Variants in DAP observed in about 807,000 individuals in gnomAD.
The protein encoded by DAP is death-associated protein 1.
A neutral mutation model predicts 13.8 loss-of-function variants in DAP; 8 were observed. The observed-to-expected ratio is 0.58, with a 90% CI of 0.34 to 1.05. The LOEUF (loss-of-function observed/expected upper bound fraction) is 1.05, where lower values mean the gene tolerates loss of function less well. Among genes scored for constraint, DAP ranks in the 50% least tolerant of loss-of-function variants. The pLI, the probability that DAP is intolerant of heterozygous loss-of-function variation, is 0.03. For missense variants in DAP, 106 were observed against 133.2 expected, an observed-to-expected ratio of 0.80 and a Z score of 1.01; for synonymous variants, 47 against 47.5, an observed-to-expected ratio of 0.99 and a Z score of 0.04.
At chr5:10,709,201 T>C (rs1334815287) in intron 2 of DAP, among the ~76,000 whole-genome samples, 4 of 152,232 alleles carry the variant, frequency 2.6e-5, no homozygotes, top group African/African-American at 7.2e-5. Flanking sequence ...TTAACACAAA[T>C]AGCTGAAGTT....
intron 1 of DAP, 56 bp downstream of exon 1, chr5:10,760,957 CG>C (rs1740333160): frequency 1.8e-6 from 2 of 1,131,512 alleles, no homozygotes; most frequent in Non-Finnish European, 2.2e-6. Context: ...CCGGCGCCCC[CG>C]GGTTCGAGCC....
At chr5:10,682,104 T>A (rs1738029979) in intron 3 of DAP, among the ~76,000 whole-genome samples, 2 of 148,846 alleles carry the variant, frequency 1.3e-5, no homozygotes, top group Non-Finnish European at 3.0e-5. Flanking sequence ...GCGTGGGGTT[T>A]GTATGTGAGG....
chr5:10,706,284 C>G (rs1738698398), intron 2 of DAP, among the ~76,000 whole-genome samples: 1 of 152,182 alleles, frequency 6.6e-6, no homozygotes, highest in South Asian at 2.1e-4. Flanking sequence ...CAGAACTATT[C>G]TATGTACTGG....
intron 2 of DAP, among the ~76,000 whole-genome samples, chr5:10,713,698 C>CTGG (rs1738908592): frequency 6.6e-6 from 1 of 152,214 alleles, no homozygotes; most frequent in African/African-American, 2.4e-5. Context: ...GCTGGACCAG[C>CTGG]AAGGAGCCGT....
At chr5:10,709,495 T>C (rs78380666) in intron 2 of DAP, among the ~76,000 whole-genome samples, 1 of 152,182 alleles carries the variant, frequency 6.6e-6, no homozygotes, top group East Asian at 1.9e-4. Context: ...TCCAACCTCA[T>C]TGCTTGGGTG....
chr5:10,685,030 CTT>C (rs1466146463), intron 2 of DAP, among the ~76,000 whole-genome samples: 1 of 152,166 alleles, frequency 6.6e-6, no homozygotes, highest in African/African-American at 2.4e-5. Context: ...TGCCAGTGGT[CTT>C]TTTTAAGGAA....
chr5:10,709,487 C>T (rs1308275827), intron 2 of DAP, among the ~76,000 whole-genome samples: 1 of 152,204 alleles, frequency 6.6e-6, no homozygotes, highest in African/African-American at 2.4e-5. Context: ...TTTTCAATTC[C>T]AACCTCATTG....
At chr5:10,705,238 C>T (rs953911593) in intron 2 of DAP, among the ~76,000 whole-genome samples, 4 of 152,186 alleles carry the variant, frequency 2.6e-5, no homozygotes, top group South Asian at 2.1e-4. Flanking sequence ...ACACTACACA[C>T]GGTCGTGACA....
intron 2 of DAP, among the ~76,000 whole-genome samples, chr5:10,737,952 T>C (rs927751212): frequency 2.6e-5 from 4 of 152,154 alleles, no homozygotes; most frequent in African/African-American, 9.7e-5. Flanking sequence ...AAAGATGATG[T>C]AGAGACACAG....
At chr5:10,716,597 G>C (rs955484748) in intron 2 of DAP, among the ~76,000 whole-genome samples, 1 of 152,120 alleles carries the variant, frequency 6.6e-6, no homozygotes, top group Non-Finnish European at 1.5e-5. Context: ...GACTAGCCTA[G>C]CCTCCCAGCC....
intron 2 of DAP, among the ~76,000 whole-genome samples, chr5:10,704,663 T>G (rs1738656428): frequency 6.6e-6 from 1 of 152,166 alleles, no homozygotes; most frequent in Admixed American, 6.5e-5. Context: ...AATCAGGGAA[T>G]TTTCCCCAAA....
intron 1 of DAP, among the ~76,000 whole-genome samples, chr5:10,751,534 C>T (rs1436940008): frequency 1.3e-5 from 2 of 152,216 alleles, no homozygotes; most frequent in Admixed American, 6.5e-5. Context: ...TATCCCACCT[C>T]TTTCCCATGC....
intron 1 of DAP, among the ~76,000 whole-genome samples, chr5:10,759,777 G>C (rs577239534): frequency 1.5e-5 from 2 of 132,418 alleles, no homozygotes; most frequent in East Asian, 4.4e-4. Flanking sequence ...TTGAGATGGA[G>C]TCTCGCTCGC....
At chr5:10,725,237 CG>C (rs1467153881) in intron 2 of DAP, among the ~76,000 whole-genome samples, 1 of 152,168 alleles carries the variant, frequency 6.6e-6, no homozygotes, top group Non-Finnish European at 1.5e-5. Flanking sequence ...AGCTTCCTCT[CG>C]TTTGTACTTT....
At chr5:10,727,245 A>T (rs1039871490) in intron 2 of DAP, among the ~76,000 whole-genome samples, 1 of 152,244 alleles carries the variant, frequency 6.6e-6, no homozygotes, top group Non-Finnish European at 1.5e-5. Flanking sequence ...AGCAGGCAAC[A>T]GTACCTGGCC....
chr5:10,706,144 C>G (rs1331811744), intron 2 of DAP, among the ~76,000 whole-genome samples: 1 of 152,226 alleles, frequency 6.6e-6, no homozygotes, highest in Non-Finnish European at 1.5e-5. Context: ...GTATTAACCA[C>G]AGCCATCCAC....
chr5:10,754,921 C>T (rs1230618022), intron 1 of DAP, among the ~76,000 whole-genome samples: 2 of 152,134 alleles, frequency 1.3e-5, no homozygotes, highest in Non-Finnish European at 2.9e-5. Flanking sequence ...CGTCCCCCCA[C>T]TCTGGAACCT....
intron 1 of DAP, among the ~76,000 whole-genome samples, chr5:10,748,844 A>G (rs1408638520): frequency 6.6e-6 from 1 of 152,226 alleles, no homozygotes; most frequent in East Asian, 1.9e-4. Context: ...TATGTAATTC[A>G]TGTAGAATAC....
At chr5:10,723,642 T>G (rs1348095378) in intron 2 of DAP, among the ~76,000 whole-genome samples, 2 of 152,232 alleles carry the variant, frequency 1.3e-5, no homozygotes, top group African/African-American at 2.4e-5. Flanking sequence ...AAAGGCAGCA[T>G]GTTACAGTCA....
Sources: gnomAD v4.1 joint callset for allele counts (sites outside exome capture counted in the v4.1 genomes callset) on GRCh38, gnomAD v4.1.1 for gene constraint, MANE v1.5 for transcripts, NCBI Gene and HGNC (gene_info 2026-07-23, HGNC 2026-07-21) for gene names.